Variants in KNL1 observed in about 807,000 individuals in gnomAD.
KNL1 encodes outer kinetochore KNL1 complex subunit KNL1.
A neutral mutation model predicts 201.3 loss-of-function variants in KNL1; 66 were observed. The observed-to-expected ratio is 0.33, with a 90% CI of 0.27 to 0.40. The LOEUF (loss-of-function observed/expected upper bound fraction) is 0.40. KNL1 is among the 10% of genes least tolerant of loss of function. The pLI is 1.00. For synonymous variants in KNL1, 895 were observed against 899.2 expected, an observed-to-expected ratio of 1.00 and a Z score of 0.08; for missense variants, 2,815 against 2,690.5, an observed-to-expected ratio of 1.05 and a Z score of -1.02.
intron 7 of KNL1, among the ~76,000 whole-genome samples, chr15:40,615,016 C>T (rs76094057): frequency 3.3e-5 from 5 of 152,046 alleles, no homozygotes; most frequent in Non-Finnish European, 5.9e-5. Context: ...TCCCACTTCA[C>T]GCTCCCAAAG....
At chr15:40,628,342 A>G (rs917981370) in intron 11 of KNL1, 134 bp downstream of exon 11, 2 of 881,388 alleles carry the variant, frequency 2.3e-6, no homozygotes, top group African/African-American at 1.7e-5. Context: ...CAGTAAAATA[A>G]TATTTAGTTT....
At chr15:40,650,519 T>TG in intron 18 of KNL1, 25 bp from the exon 19 acceptor site, 1 of 1,136,922 alleles carries the variant, frequency 8.8e-7, no homozygotes, top group Non-Finnish European at 1.2e-6. Context: ...TTTGTTCTGT[T>TG]TTTTTTTTTT....
intron 19 of KNL1, among the ~76,000 whole-genome samples, 171 bp from the exon 20 acceptor site, chr15:40,651,295 TAAAAA>T (rs869083504): frequency 4.4e-5 from 1 of 22,646 alleles, no homozygotes; most frequent in Non-Finnish European, 1.5e-4. Context: ...AATGCTTATA[TAAAAA>T]AAAAAAAAAA....
At chr15:40,655,453 C>T (rs371924911) in intron 22 of KNL1, among the ~76,000 whole-genome samples, 13 of 150,692 alleles carry the variant, frequency 8.6e-5, no homozygotes, top group Middle Eastern at 3.4e-3. Flanking sequence ...TAGTTGGGCG[C>T]GGTGATGGGT....
intron 24 of KNL1, among the ~76,000 whole-genome samples, chr15:40,657,805 T>C (rs1185799941): frequency 6.6e-6 from 1 of 152,210 alleles, no homozygotes; most frequent in Non-Finnish European, 1.5e-5. Flanking sequence ...GGACTTCATC[T>C]TAACATATTA....
intron 14 of KNL1, 44 bp downstream of exon 14, chr15:40,641,071 G>A (rs1200588170): frequency 2.3e-6 from 3 of 1,283,876 alleles, no homozygotes; most frequent in South Asian, 2.4e-5. Flanking sequence ...TGAGGGGAGG[G>A]ATCAGTTAAT....
intron 12 of KNL1, 83 bp downstream of exon 12, chr15:40,628,761 G>T: frequency 3.5e-6 from 3 of 868,960 alleles, no homozygotes; most frequent in South Asian, 2.0e-5. Flanking sequence ...TAATATTCTT[G>T]GTTTAAAAAA....
intron 21 of KNL1, among the ~76,000 whole-genome samples, chr15:40,652,763 A>AAC (rs1412627721): frequency 6.8e-6 from 1 of 147,460 alleles, no homozygotes; most frequent in African/African-American, 2.6e-5. Context: ...ACTGTCTCAA[A>AAC]AAAAAAAAAA....
chr15:40,622,280 A>G lies in KNL1; in HGVS notation c.2016A>G (p.Ile672Met), dbSNP rs1892564483. 4.3e-6 allele frequency: 7 copies of G among 1,614,056 alleles called. No homozygotes were observed. The highest frequency in any genetic ancestry group is 5.9e-6 in the Non-Finnish European group (7 of 1,179,942). The change falls in exon 10 of 26, where the codon ATA becomes ATG. Residue 672 changes from isoleucine to methionine, a missense_variant. By Grantham distance (10) the Ile-to-Met change is conservative. Coordinates refer to ENST00000399668, the MANE Select transcript of KNL1 (RefSeq NM_144508.5). ...AGGAGATAGCAACAAGCCATAATATAGTCTACTGTGGTGGAGTTCTTGATA... is the reference window on the plus strand; with the variant it reads ...AGGAGATAGCAACAAGCCATAATATGGTCTACTGTGGTGGAGTTCTTGATA... ...CNQEIATSHNIVYCGGVLDKQ... is the reference protein window; with the variant it reads ...CNQEIATSHNMVYCGGVLDKQ...
chr15:40,620,929 T>A lies in KNL1; in HGVS notation c.665T>A (p.Leu222Ter). 1 of 1,602,536 alleles carries A rather than the reference T, an allele frequency of 6.2e-7. No homozygotes were observed. Among genetic ancestry groups the A allele is most frequent in the Non-Finnish European group, 8.5e-7 (1 of 1,177,088 alleles). Residue 222 changes from leucine to a stop codon, truncating the protein, a stop_gained, in exon 10 of 26, where the codon TTG becomes TAG. Transcript: ENST00000399668. LOFTEE classifies it high-confidence loss of function. ...KIDFNDFIKRLKTGKCSAFPD... is the reference protein window; with the variant it reads ...KIDFNDFIKR ...GATTTCAATGACTTCATAAAAAGAT[T>A]GAAAACAGGAAAATGTAGTGCTTTT...
chr15:40,662,219 A>G lies in KNL1; in HGVS notation c.*31A>G, dbSNP rs370636316. On this transcript the variant is annotated 3_prime_UTR_variant, in exon 26 of 26. Transcript: ENST00000399668. The stretch of plus-strand genomic sequence containing the variant: ...TGGACCACCATTGGAACAACCAAGC[A>G]GAATGTACTTGATATTATTTCAGGG... 1.2e-5 allele frequency: 15 copies of G among 1,200,696 alleles called. No homozygotes were observed. The highest frequency in any genetic ancestry group is 1.7e-5 in the Non-Finnish European group (14 of 805,622). The allele number at this position is 1,200,696 out of a possible 1,614,324, so 74.4% of individuals were successfully genotyped here. A position where few individuals can be genotyped will look rare whatever the true frequency, so the allele number is the denominator to read the frequency against.
intron 13 of KNL1, among the ~76,000 whole-genome samples, chr15:40,635,092 A>G (rs1893016897): frequency 6.7e-6 from 1 of 149,934 alleles, no homozygotes; most frequent in Middle Eastern, 3.5e-3. Context: ...TTTGTCATCC[A>G]GGCTGGAGTG....
chr15:40,606,353 AT>A, intron 3 of KNL1, 39 bp from the exon 4 acceptor site: 2 of 1,207,336 alleles, frequency 1.7e-6, no homozygotes, highest in Non-Finnish European at 2.4e-6. Flanking sequence ...CTTAATAGAT[AT>A]GCCAGATTTT....
intron 25 of KNL1, among the ~76,000 whole-genome samples, chr15:40,660,924 C>T (rs754951327): frequency 6.6e-6 from 1 of 152,164 alleles, no homozygotes; most frequent in Non-Finnish European, 1.5e-5. Flanking sequence ...GATCATGCCA[C>T]TGGCCTCCAG....
At chr15:40,658,835 C>T (rs1893817492) in intron 24 of KNL1, among the ~76,000 whole-genome samples, 1 of 150,678 alleles carries the variant, frequency 6.6e-6, no homozygotes, top group South Asian at 2.1e-4. Flanking sequence ...GAGGCTGAGG[C>T]AGGAGAATCG....
In KNL1 at chr15:40,621,420, A is replaced by G; in HGVS notation, c.1156A>G (p.Thr386Ala). The change falls in exon 10 of 26, where the codon ACC becomes GCC. Residue 386 changes from threonine to alanine, a missense_variant. By Grantham distance (58) the Thr-to-Ala change is moderately conservative (BLOSUM62 0). Coordinates refer to ENST00000399668, the MANE Select transcript of KNL1 (RefSeq NM_144508.5). The stretch of plus-strand genomic sequence containing the variant: ...AAACTCTGCAGACAAAATACATATT[A>G]CCAGAAGTCATATTATGGGGGCAGA... The part of the protein sequence containing the change: ...SINSADKIHI[T>A]RSHIMGAETH... 4 of 1,613,548 alleles carry G rather than the reference A, an allele frequency of 2.5e-6. No homozygotes were observed. The highest frequency in any genetic ancestry group is 3.4e-6 in the Non-Finnish European group (4 of 1,179,804).
In KNL1 at chr15:40,621,729, A is replaced by C. The variant is rs547811683; in HGVS notation, c.1465A>C (p.Ser489Arg). ...AGAGGAGAACATGGACATTACCAAGAGTCATACAGTTGCAATAGATAATCA... is the reference window on the plus strand; with the variant it reads ...AGAGGAGAACATGGACATTACCAAGCGTCATACAGTTGCAATAGATAATCA... ...SGEENMDITKSHTVAIDNQIF... is the reference protein window; with the variant it reads ...SGEENMDITKRHTVAIDNQIF... Residue 489 changes from serine to arginine, a missense_variant, in exon 10 of 26, where the codon AGT becomes CGT. Around this residue, in one of 3 missense-constraint regions of KNL1, gnomAD observed 2,464 missense variants for 2,291.7 expected, o/e 1.08. Coordinates refer to ENST00000399668, the MANE Select transcript of KNL1 (RefSeq NM_144508.5). The C allele has an allele frequency of 1.2e-6, 2 of 1,613,340 alleles. No individual in the cohort carries two copies. Among genetic ancestry groups the C allele is most frequent in the African/African-American group, 1.3e-5 (1 of 75,016 alleles).
At chr15:40,654,347 G>A (rs950106185) in intron 21 of KNL1, among the ~76,000 whole-genome samples, 22 of 152,036 alleles carry the variant, frequency 1.4e-4, no homozygotes, top group African/African-American at 5.1e-4. Flanking sequence ...CAGAAGTTAG[G>A]GGTTAAAAGA....
chr15:40,663,607 T>G lies in KNL1; in HGVS notation c.*1419T>G, dbSNP rs1893975134. On this transcript the variant is annotated 3_prime_UTR_variant, in exon 26 of 26. Transcript: ENST00000399668. ...TCAAACAATGTCACATCCAAAACAC[T>G]AGTTTCATCAATTTCTAGCAGTAAT... 5.2e-6 allele frequency: 1 copy of G among 192,732 alleles called. No individual in the cohort carries two copies. The highest frequency in any genetic ancestry group is 1.1e-5 in the Non-Finnish European group (1 of 92,294). 11.9% of individuals were successfully genotyped at this position (192,732 alleles called of 1,614,324 possible).
Sources: gnomAD v4.1 joint callset for allele counts (sites outside exome capture counted in the v4.1 genomes callset) on GRCh38, gnomAD v4.1.1 for gene constraint, gnomAD v4.1.1 regional missense constraint, MANE v1.5 for transcripts, NCBI Gene and HGNC (gene_info 2026-07-23, HGNC 2026-07-21) for gene names.